APBB1IP: variants seen among roughly 807,000 people sequenced by gnomAD.
APBB1IP encodes amyloid beta precursor protein binding family B member 1 interacting protein, also known as amyloid beta A4 precursor protein-binding family B member 1-interacting protein.
In APBB1IP, 27 loss-of-function variants were observed where a neutral mutation model predicts 64.9. The observed-to-expected ratio is 0.42, with a 90% confidence interval of 0.31 to 0.57. The LOEUF (loss-of-function observed/expected upper bound fraction) is 0.57. Ranked by LOEUF, APBB1IP falls within the 20% of genes least tolerant of loss-of-function variation. The pLI is 0.20. For synonymous variants in APBB1IP, 392 were observed against 331.0 expected (o/e 1.18, Z -2.00); for missense variants, 812 against 845.5 (o/e 0.96, Z 0.49).
At chr10:26,554,010 G>A (rs566489206) in intron 11 of APBB1IP, among the ~76,000 whole-genome samples, 1 of 152,300 alleles carries the variant, frequency 6.6e-6, no homozygotes, top group South Asian at 2.1e-4. Context: ...CACAGCCACA[G>A]CTCCAACCAT....
intron 4 of APBB1IP, among the ~76,000 whole-genome samples, chr10:26,500,131 A>G (rs1836078184): frequency 6.6e-6 from 1 of 150,902 alleles, no homozygotes; most frequent in Admixed American, 6.7e-5. Context: ...GGATTGCTTG[A>G]GCCTGGGAGG....
intron 12 of APBB1IP, 66 bp downstream of exon 12, chr10:26,560,269 C>A (rs1015777101): frequency 3.5e-6 from 5 of 1,433,392 alleles, no homozygotes; most frequent in Non-Finnish European, 4.9e-6. Flanking sequence ...CTGGGCACAG[C>A]CTTCCTGGTA....
In APBB1IP at chr10:26,533,457, A is replaced by G; in HGVS notation, c.832A>G (p.Arg278Gly). 6.2e-7 allele frequency: 1 copy of G among 1,600,698 alleles called. No individual in the cohort carries two copies. Among genetic ancestry groups the G allele is most frequent in the Non-Finnish European group, 8.5e-7 (1 of 1,171,984 alleles). Residue 278 changes from arginine (R) to glycine (G), a missense_variant, in exon 9 of 15, where the codon AGA becomes GGA. Physicochemically the swap from Arg to Gly is moderately radical, Grantham distance 125 (BLOSUM62 -2). Around this residue, in one of 3 missense-constraint regions of APBB1IP, gnomAD observed 394 missense variants for 413.1 expected, o/e 0.95. Transcript: ENST00000376236. Reference sequence around the variant, plus strand: ...TATTTAGAATTTCTACTTGGATAACAGAGGAAAAAAAGAAAGCAAGGAAAC... The same window carrying G: ...TATTTAGAATTTCTACTTGGATAACGGAGGAAAAAAAGAAAGCAAGGAAAC... ...KNPQNFYLDNRGKKESKETNE... is the reference protein window; with the variant it reads ...KNPQNFYLDNGGKKESKETNE...
intron 11 of APBB1IP, among the ~76,000 whole-genome samples, chr10:26,544,119 C>T (rs576482791): frequency 6.6e-6 from 1 of 152,192 alleles, no homozygotes; most frequent in African/African-American, 2.4e-5. Context: ...GTTTCTCAGG[C>T]CCCCAGAGAT....
At chr10:26,476,747 C>G (rs1413482852) in intron 2 of APBB1IP, among the ~76,000 whole-genome samples, 1 of 152,058 alleles carries the variant, frequency 6.6e-6, no homozygotes, top group Admixed American at 6.6e-5. Flanking sequence ...GATATATAGT[C>G]CATATTCAAC....
In APBB1IP at chr10:26,547,312, A is replaced by G. The variant is rs189805920; in HGVS notation, c.1155+5620A>G. Among the ~76,000 whole-genome samples, 13 of 152,296 alleles carry G rather than the reference A, an allele frequency of 8.5e-5. No individual in the cohort carries two copies. In the East Asian group the frequency reaches 2.5e-3, roughly 29 times the overall value. ...ATTCTTCTTATTAACCCTTAGTCAA[A>G]TGTATAATTTGCAAATATTTTTTCT... On this transcript the variant is annotated intron_variant, in intron 11 of 14. Transcript: ENST00000376236.
intron 2 of APBB1IP, among the ~76,000 whole-genome samples, chr10:26,450,121 G>A (rs1292064447): frequency 6.6e-6 from 1 of 152,194 alleles, no homozygotes; most frequent in Non-Finnish European, 1.5e-5. Flanking sequence ...GGCAAAGGGG[G>A]TTGTGTTAAA....
At chr10:26,492,495 G>A (rs1835967934) in intron 3 of APBB1IP, 97 bp downstream of exon 3, 7 of 1,095,606 alleles carry the variant, frequency 6.4e-6, no homozygotes, top group African/African-American at 1.6e-5. Context: ...TTAAAACCCT[G>A]ATATCGGGGG....
intron 2 of APBB1IP, among the ~76,000 whole-genome samples, chr10:26,447,396 A>G (rs2132395618): frequency 6.6e-6 from 1 of 151,480 alleles, no homozygotes; most frequent in East Asian, 1.9e-4. Context: ...AAAAAAAAAA[A>G]GAAATGCCTT....
chr10:26,562,324 A>C lies in APBB1IP; in HGVS notation c.1370-2A>C. Reference sequence around the variant, plus strand: ...CTTCTTTTCTCACTTCTTCCCTCTCAGGACCTAAAACAGGCACCACCCAGC... The same window carrying C: ...CTTCTTTTCTCACTTCTTCCCTCTCCGGACCTAAAACAGGCACCACCCAGC... On this transcript the variant is annotated splice_acceptor_variant, in intron 13 of 14. Coordinates refer to ENST00000376236, the MANE Select transcript of APBB1IP (RefSeq NM_019043.4). LOFTEE classifies it high-confidence loss of function. 1 of 1,610,826 alleles carries C rather than the reference A, an allele frequency of 6.2e-7. No individual in the cohort carries two copies. Among genetic ancestry groups the C allele is most frequent in the South Asian group, 1.1e-5 (1 of 91,012 alleles).
intron 4 of APBB1IP, among the ~76,000 whole-genome samples, chr10:26,500,004 A>T (rs1446187026): frequency 6.6e-6 from 1 of 152,238 alleles, no homozygotes; most frequent in East Asian, 1.9e-4. Flanking sequence ...TGAGTCCAGG[A>T]GTTTGAGACC....
chr10:26,533,291 G>C (rs749107443), intron 8 of APBB1IP, 148 bp from the exon 9 acceptor site: 5 of 450,748 alleles, frequency 1.1e-5, no homozygotes, highest in Non-Finnish European at 2.0e-5. Flanking sequence ...ATTTGGGAAG[G>C]CTCTGATGGT....
intron 2 of APBB1IP, among the ~76,000 whole-genome samples, chr10:26,470,242 T>C (rs1452387478): frequency 6.6e-6 from 1 of 152,170 alleles, no homozygotes; most frequent in Non-Finnish European, 1.5e-5. Context: ...CTCTTCATTA[T>C]AAAAGAGGCT....
chr10:26,530,854 A>G (rs940598214), intron 8 of APBB1IP, among the ~76,000 whole-genome samples: 1 of 152,180 alleles, frequency 6.6e-6, no homozygotes. Flanking sequence ...AAGCCTTAGC[A>G]TAGGTTTCCA....
intron 2 of APBB1IP, among the ~76,000 whole-genome samples, chr10:26,465,036 T>C (rs773625918): frequency 1.1e-4 from 17 of 152,238 alleles, no homozygotes; most frequent in Non-Finnish European, 2.4e-4. Flanking sequence ...GCAAAGACAT[T>C]ATTTCCATTT....
intron 2 of APBB1IP, among the ~76,000 whole-genome samples, chr10:26,445,256 GAGA>G (rs1218342634): frequency 4.6e-5 from 7 of 152,122 alleles, no homozygotes; most frequent in African/African-American, 1.7e-4. Flanking sequence ...TCAAAACTTT[GAGA>G]AGGAGTTGAT....
rs551541971 is a variant in APBB1IP at position 26,512,850 on chromosome 10, A to T, written c.692-689A>T. ...GCCTGTGCTGGAAGCTTTGGGAGCA[A>T]TTTTTTTTCTGGATAAGATGGTTTA... On this transcript the variant is annotated intron_variant, in intron 7 of 14. Transcript: ENST00000376236. Among the ~76,000 whole-genome samples the T allele has an allele frequency of 7.2e-5, 11 of 151,944 alleles. No individual in the cohort carries two copies. In the South Asian group the frequency reaches 1.2e-3, roughly 17 times the overall value.
chr10:26,448,215 T>TA (rs397736406), intron 2 of APBB1IP, among the ~76,000 whole-genome samples: 8 of 152,196 alleles, frequency 5.3e-5, no homozygotes, highest in East Asian at 1.9e-4. Flanking sequence ...TTCATTTTTT[T>TA]AATTTTTGTA....
intron 9 of APBB1IP, 148 bp downstream of exon 9, chr10:26,533,673 G>C (rs1588608294): frequency 4.2e-6 from 2 of 477,284 alleles, no homozygotes; most frequent in Admixed American, 4.2e-5. Context: ...CTAAATTATA[G>C]CTATTTAGAT....
Sources: allele counts gnomAD v4.1 joint callset (sites outside exome capture counted in the v4.1 genomes callset), GRCh38; gene constraint gnomAD v4.1.1; regional missense constraint gnomAD v4.1.1; transcripts MANE v1.5; gene names NCBI Gene and HGNC (gene_info 2026-07-23, HGNC 2026-07-21).